The following CPXM2 variants were observed in gnomAD, a reference collection of about 807,000 sequenced individuals.
CPXM2 encodes the protein inactive carboxypeptidase-like protein X2.
CPXM2 carries 66 observed loss-of-function variants against 86.1 expected under a neutral mutation model. The observed-to-expected ratio is 0.77, with a 90% CI of 0.63 to 0.94. The LOEUF (loss-of-function observed/expected upper bound fraction) is 0.94, where lower values mean the gene tolerates loss of function less well. CPXM2 is among the 40% of genes least tolerant of loss of function. The pLI, the probability that CPXM2 is intolerant of heterozygous loss-of-function variation, is 0.00. For missense variants in CPXM2, 948 were observed against 1,026.3 expected, an observed-to-expected ratio of 0.92 and a Z score of 1.04; for synonymous variants, 388 against 400.2, an observed-to-expected ratio of 0.97 and a Z score of 0.36.
At chr10:123,767,237 T>A in intron 9 of CPXM2, 85 bp from the exon 10 acceptor site, 1 of 1,243,244 alleles carries the variant, frequency 8.0e-7, no homozygotes, top group Non-Finnish European at 1.2e-6. Context: ...TGTCTCCACT[T>A]CCCCTTGGGG....
intron 3 of CPXM2, among the ~76,000 whole-genome samples, chr10:123,848,518 T>C (rs1848541372): frequency 6.6e-6 from 1 of 152,212 alleles, no homozygotes; most frequent in Non-Finnish European, 1.5e-5. Flanking sequence ...CAACACACCA[T>C]AAACCATTTA....
At chr10:123,847,354 G>A (rs551017877) in intron 3 of CPXM2, among the ~76,000 whole-genome samples, 355 of 152,228 alleles carry the variant, frequency 2.3e-3, no homozygotes, top group Non-Finnish European at 2.4e-3. Flanking sequence ...GTGAAACCTT[G>A]TCTCTACCAA....
rs184436681 is a variant in CPXM2 at position 123,750,629 on chromosome 10, G to A, written c.2018-3612C>T. On this transcript the variant is annotated intron_variant, in intron 13 of 13. Coordinates refer to ENST00000241305, the MANE Select transcript of CPXM2 (RefSeq NM_198148.3). ...CTCTAGGTCTCCTTCACTAGAATGT[G>A]TACTTTTAGAGGTCATATTTGTTTT... The A allele has an allele frequency of 8.3e-6, 8 of 960,860 alleles. No homozygotes were observed. The Admixed American group carries it at 4.3e-4, about 52-fold the overall frequency. 59.5% of individuals were successfully genotyped at this position (960,860 alleles called of 1,614,324 possible). A position where few individuals can be genotyped will look rare whatever the true frequency, so the allele number is the denominator to read the frequency against.
chr10:123,817,473 G>A (rs750468498), intron 4 of CPXM2, among the ~76,000 whole-genome samples: 5 of 152,158 alleles, frequency 3.3e-5, no homozygotes, highest in Non-Finnish European at 7.3e-5. Flanking sequence ...GGTGTAAACT[G>A]AACATTTGTC....
At chr10:123,775,218 T>C (rs1333534465) in intron 7 of CPXM2, among the ~76,000 whole-genome samples, 1 of 152,196 alleles carries the variant, frequency 6.6e-6, no homozygotes, top group Non-Finnish European at 1.5e-5. Flanking sequence ...ACTGTGACCA[T>C]TCTGATGGCC....
At chr10:123,856,987 A>C (rs1296355324) in intron 3 of CPXM2, among the ~76,000 whole-genome samples, 1 of 152,208 alleles carries the variant, frequency 6.6e-6, no homozygotes, top group African/African-American at 2.4e-5. Flanking sequence ...GAATGGAAGA[A>C]ACCAGTGACT....
chr10:123,897,893 G>C (rs1297539473), intron 2 of CPXM2, among the ~76,000 whole-genome samples: 2 of 152,242 alleles, frequency 1.3e-5, no homozygotes, highest in Non-Finnish European at 2.9e-5. Flanking sequence ...CAAGGGTTTG[G>C]AAGGTCTGAG....
chr10:123,911,667 G>C (rs1945489315), intron 2 of CPXM2, among the ~76,000 whole-genome samples: 2 of 151,994 alleles, frequency 1.3e-5, no homozygotes, highest in East Asian at 2.0e-4. Context: ...TAGAAACAGA[G>C]GCATGGCAAG....
intron 1 of CPXM2, chr10:123,887,215 C>T (rs1945191730): frequency 6.6e-6 from 1 of 152,082 alleles, no homozygotes; most frequent in Admixed American, 6.5e-5. Context: ...GGGCAGCTCA[C>T]TGTTAGAATC....
chr10:123,921,108 A>G (rs923959510), intron 2 of CPXM2, among the ~76,000 whole-genome samples: 1 of 152,212 alleles, frequency 6.6e-6, no homozygotes, highest in Non-Finnish European at 1.5e-5. Context: ...GTTGTTAGGG[A>G]AAAGGGTGGA....
At chr10:123,889,559 G>A (rs566722035) in intron 1 of CPXM2, among the ~76,000 whole-genome samples, 6 of 152,308 alleles carry the variant, frequency 3.9e-5, no homozygotes, top group South Asian at 2.1e-4. Flanking sequence ...TCTTGGTAAC[G>A]GCCTGTGGAA....
intron 13 of CPXM2, among the ~76,000 whole-genome samples, chr10:123,749,127 G>A (rs1163432047): frequency 1.3e-5 from 2 of 152,110 alleles, no homozygotes; most frequent in Non-Finnish European, 2.9e-5. Flanking sequence ...TTAGGTCTCA[G>A]CTACCAAGGG....
intron 2 of CPXM2, among the ~76,000 whole-genome samples, chr10:123,923,685 T>C (rs1032243788): frequency 3.3e-5 from 5 of 152,218 alleles, no homozygotes; most frequent in African/African-American, 1.2e-4. Context: ...TCATCTTGAA[T>C]TGTAGCTCCC....
chr10:123,923,121 G>A (rs1210976269), intron 2 of CPXM2, among the ~76,000 whole-genome samples: 1 of 152,144 alleles, frequency 6.6e-6, no homozygotes, highest in African/African-American at 2.4e-5. Context: ...CAAGAAGACA[G>A]ATCAAGAACC....
intron 3 of CPXM2, among the ~76,000 whole-genome samples, chr10:123,858,188 T>A (rs915723999): frequency 1.3e-5 from 2 of 152,190 alleles, no homozygotes; most frequent in East Asian, 1.9e-4. Context: ...GAAAAACACA[T>A]GTGACAGCAG....
chr10:123,859,119 A>G (rs1848801457), intron 3 of CPXM2, among the ~76,000 whole-genome samples: 1 of 152,210 alleles, frequency 6.6e-6, no homozygotes, highest in Non-Finnish European at 1.5e-5. Context: ...AGGCCGGCAC[A>G]GCGCTAGGCT....
At chr10:123,775,059 G>A (rs114596128) in intron 7 of CPXM2, among the ~76,000 whole-genome samples, 2,929 of 152,276 alleles carry the variant, frequency 0.019, 39 homozygotes, top group Non-Finnish European at 0.027. Context: ...GAAAGCCATC[G>A]AATAATTTAC....
At chr10:123,874,815 G>C (rs1480606912) in intron 2 of CPXM2, among the ~76,000 whole-genome samples, 2 of 152,174 alleles carry the variant, frequency 1.3e-5, no homozygotes, top group Non-Finnish European at 2.9e-5. Flanking sequence ...CCCTGTAAGT[G>C]GACCAGCATG....
rs892614684 is a variant in CPXM2, at chr10:123,856,807, G to A, written c.513+5807C>T. Among the ~76,000 whole-genome samples the A allele has an allele frequency of 5.3e-5, 8 of 152,152 alleles. No homozygotes were observed. The East Asian group carries it at 9.6e-4, about 18-fold the overall frequency. ...GGATTTTGCCACATTGGCCAGGCTGGTCTTGAATTCCTGACCTCAGGTGAT... is the reference window on the plus strand; with the variant it reads ...GGATTTTGCCACATTGGCCAGGCTGATCTTGAATTCCTGACCTCAGGTGAT... On this transcript the variant is annotated intron_variant, in intron 3 of 13. Coordinates refer to ENST00000241305, the MANE Select transcript of CPXM2 (RefSeq NM_198148.3).
Sources: gnomAD v4.1 joint callset for allele counts (sites outside exome capture counted in the v4.1 genomes callset) on GRCh38, gnomAD v4.1.1 for gene constraint, MANE v1.5 for transcripts, NCBI Gene and HGNC (gene_info 2026-07-23, HGNC 2026-07-21) for gene names.